The following INPP5A variants were observed in gnomAD, a reference collection of about 807,000 sequenced individuals.
INPP5A encodes 43 kDa inositol polyphosphate 5-phophatase.
INPP5A carries 14 observed loss-of-function variants against 65.2 expected under a neutral mutation model. That is an observed-to-expected ratio of 0.21 (90% CI 0.14 to 0.34). The LOEUF (loss-of-function observed/expected upper bound fraction) is 0.34, where lower values mean the gene tolerates loss of function less well. Ranked by LOEUF, INPP5A falls within the 10% of genes least tolerant of loss-of-function variation. INPP5A has a pLI of 1.00. For missense variants in INPP5A, 431 were observed against 545.6 expected (o/e 0.79, Z 2.09); for synonymous variants, 207 against 208.3 (o/e 0.99, Z 0.05).
At chr10:132,608,058 G>C in intron 2 of INPP5A, 102 bp downstream of exon 2, 1 of 1,052,832 alleles carries the variant, frequency 9.5e-7, no homozygotes. Context: ...TCTATGGGGA[G>C]CGCAGGCCTG....
chr10:132,714,905 T>C (rs768417297), intron 8 of INPP5A, among the ~76,000 whole-genome samples: 1 of 152,230 alleles, frequency 6.6e-6, no homozygotes, highest in Non-Finnish European at 1.5e-5. Context: ...CCTCTTGTTA[T>C]GAGAAGTTTA....
chr10:132,754,193 C>T (rs57431984), intron 11 of INPP5A, among the ~76,000 whole-genome samples: 24,769 of 152,264 alleles, frequency 0.16, 2,442 homozygotes, highest in Non-Finnish European at 0.22. Context: ...ATGGTCCCTG[C>T]GCAGCCTTGC....
Position 132,765,815 on chromosome 10 carries a change from CTG to C in INPP5A, c.948_949del (p.Tyr317Ter). On this transcript the variant is annotated frameshift_variant, in exon 12 of 16. Coordinates refer to ENST00000368594, the MANE Select transcript of INPP5A (RefSeq NM_005539.5). LOFTEE classifies it high-confidence loss of function. ...GGAGTTGTCTGTCTTTAAGGACAGACTGTATGAACTGGACATCTCGTTCCCTC... is the reference window on the plus strand; with the variant it reads ...GGAGTTGTCTGTCTTTAAGGACAGACTATGAACTGGACATCTCGTTCCCTC... ...DKELSVFKDR[L>X]YELDISFPPS... 1 of 1,604,740 alleles carries C rather than the reference CTG, an allele frequency of 6.2e-7. No homozygotes were observed. The highest frequency in any genetic ancestry group is 8.5e-7 in the Non-Finnish European group (1 of 1,171,434).
intron 1 of INPP5A, among the ~76,000 whole-genome samples, chr10:132,562,979 G>A (rs2071224822): frequency 6.6e-6 from 1 of 152,238 alleles, no homozygotes; most frequent in Non-Finnish European, 1.5e-5. Context: ...GCTCTGCAGA[G>A]GGCTTCAGGG....
At chr10:132,772,335 A>G (rs565858886) in intron 12 of INPP5A, among the ~76,000 whole-genome samples, 2 of 60,796 alleles carry the variant, frequency 3.3e-5, no homozygotes, top group Admixed American at 1.4e-4. Context: ...GCACTGACAC[A>G]GAGGCCACAG....
rs1032844340 is a variant in INPP5A, at chr10:132,663,986, C to T, written c.306+13481C>T. On this transcript the variant is annotated intron_variant, in intron 4 of 15. Coordinates refer to ENST00000368594, the MANE Select transcript of INPP5A (RefSeq NM_005539.5). This position sits in a 1 kb window ranked among gnomAD's most constrained non-coding sequence, Gnocchi z 4.5. ...TCACACGCAGCCCAGGAAACAAACA[C>T]GCCGCGCGAAAGGTATTGGTGAACG... is the stretch of plus-strand genomic sequence containing the variant. Among the ~76,000 whole-genome samples, 3 of 152,210 alleles carry T rather than the reference C, an allele frequency of 2.0e-5. No homozygotes were observed. The highest frequency in any genetic ancestry group is 6.5e-5 in the Admixed American group (1 of 15,288).
chr10:132,755,217 ATG>A (rs750640736), intron 11 of INPP5A, among the ~76,000 whole-genome samples: 28 of 149,220 alleles, frequency 1.9e-4, no homozygotes, highest in African/African-American at 1.5e-4. Context: ...GGGTGTGTGC[ATG>A]TGTGAGCAGG....
At chr10:132,633,972 T>G (rs1225271291) in intron 2 of INPP5A, among the ~76,000 whole-genome samples, 3 of 152,208 alleles carry the variant, frequency 2.0e-5, no homozygotes, top group Non-Finnish European at 4.4e-5. Flanking sequence ...CCCTGAGCAT[T>G]TGAAGCAAAA....
rs984402230 is a variant in INPP5A at position 132,676,741 on chromosome 10, C to T, written c.307-13651C>T. Among the ~76,000 whole-genome samples the T allele has an allele frequency of 2.6e-5, 4 of 152,182 alleles. No homozygotes were observed. Among genetic ancestry groups the T allele is most frequent in the Non-Finnish European group, 4.4e-5 (3 of 68,032 alleles). On this transcript the variant is annotated intron_variant, in intron 4 of 15. Transcript: ENST00000368594. This position sits in a 1 kb window ranked among gnomAD's most constrained non-coding sequence, Gnocchi z 4.0. ...CCAAGGTTCCGTCCTAGTCCCTGAC[C>T]GGCCCCTCCTGTTTCCCCCGTGGCT... is the stretch of plus-strand genomic sequence containing the variant.
At chr10:132,769,489 C>G (rs550181196) in intron 12 of INPP5A, among the ~76,000 whole-genome samples, 1 of 152,174 alleles carries the variant, frequency 6.6e-6, no homozygotes, top group South Asian at 2.1e-4. Context: ...TACAGCCTCC[C>G]GAAGGCCTTT....
Position 132,657,321 on chromosome 10 carries a change from A to G in INPP5A, c.306+6816A>G, listed in dbSNP as rs534295332. Among the ~76,000 whole-genome samples, 353 of 152,342 alleles carry G rather than the reference A, an allele frequency of 2.3e-3. 12 individuals are homozygous for G. The South Asian group carries it at 0.071, about 31-fold the overall frequency. On this transcript the variant is annotated intron_variant, in intron 4 of 15. Coordinates refer to ENST00000368594, the MANE Select transcript of INPP5A (RefSeq NM_005539.5). ...CTGGCACCATGAGTGACCTGCAAGC[A>G]CTGCCATGGTGGACTCTGCTCGCGC...
intron 9 of INPP5A, among the ~76,000 whole-genome samples, chr10:132,731,280 C>T (rs1846080618): frequency 6.6e-6 from 1 of 151,868 alleles, no homozygotes; most frequent in Non-Finnish European, 1.5e-5. Context: ...AGGTGTCCCT[C>T]CTGCGCATCA....
chr10:132,775,183 A>AGGAGAAACGGGCAGGGAG (rs1198975694), intron 12 of INPP5A, among the ~76,000 whole-genome samples: 9 of 4,750 alleles, frequency 1.9e-3, no homozygotes, highest in East Asian at 0.01. Context: ...AGGGGCAGGG[A>AGGAGAAACGGGCAGGGAG]GAGAGGGAGG....
intron 9 of INPP5A, among the ~76,000 whole-genome samples, chr10:132,748,810 G>T (rs1590980358): frequency 6.6e-6 from 1 of 152,164 alleles, no homozygotes; most frequent in South Asian, 2.1e-4. Flanking sequence ...GCATCCACAG[G>T]CACCAGAGGC....
At chr10:132,658,958 G>C (rs944129201) in intron 4 of INPP5A, among the ~76,000 whole-genome samples, 1 of 152,134 alleles carries the variant, frequency 6.6e-6, no homozygotes, top group African/African-American at 2.4e-5. Context: ...CTTCCTCGTG[G>C]GTGCTCAACA....
rs559214463 is a variant in INPP5A at position 132,764,961 on chromosome 10, C to G, written c.904-812C>G. ...GCGTGGTGACACTCAGGAACACGGT[C>G]GGGTCAGTCCTGCTGCGGTGGGAGG... On this transcript the variant is annotated intron_variant, in intron 11 of 15. Coordinates refer to ENST00000368594, the MANE Select transcript of INPP5A (RefSeq NM_005539.5). 6.5e-5 allele frequency among the ~76,000 whole-genome samples: 9 copies of G among 137,692 alleles called. No homozygotes were observed. The South Asian group carries it at 2.2e-3, about 34-fold the overall frequency. The allele number at this position is 137,692 out of a possible 152,430, so 90.3% of individuals were successfully genotyped here.
chr10:132,709,680 T>C (rs1000239898), intron 7 of INPP5A, among the ~76,000 whole-genome samples: 4 of 152,174 alleles, frequency 2.6e-5, no homozygotes, highest in African/African-American at 9.7e-5. Context: ...GGCCAGGTCT[T>C]GGAGCCTGTG....
In INPP5A at chr10:132,555,298, G is replaced by A. The variant is rs1026293080; in HGVS notation, c.75+17127G>A. ...CGCTCCTGATCCCTCTGTGAGACCA[G>A]TGAGAAGATGTCGTAGGAGAGGCTG... On this transcript the variant is annotated intron_variant, in intron 1 of 15. Coordinates refer to ENST00000368594, the MANE Select transcript of INPP5A (RefSeq NM_005539.5). The surrounding 1 kb of genome is among the most constrained non-coding windows in gnomAD (Gnocchi z 4.4). Among the ~76,000 whole-genome samples the A allele has an allele frequency of 7.9e-5, 12 of 152,112 alleles. No individual in the cohort carries two copies. The highest frequency in any genetic ancestry group is 2.9e-4 in the African/African-American group (12 of 41,402).
chr10:132,687,950 C>A (rs1362864187), intron 4 of INPP5A, among the ~76,000 whole-genome samples: 1 of 152,226 alleles, frequency 6.6e-6, no homozygotes, highest in South Asian at 2.1e-4. Context: ...TGTGTTCTGT[C>A]AGAGGGCAGC....
Sources: allele counts gnomAD v4.1 joint callset (sites outside exome capture counted in the v4.1 genomes callset), GRCh38; gene constraint gnomAD v4.1.1; non-coding constraint Gnocchi (gnomAD v3.1); transcripts MANE v1.5; gene names NCBI Gene and HGNC (gene_info 2026-07-23, HGNC 2026-07-21).